The following SLC44A3 variants were observed in gnomAD, a reference collection of about 807,000 sequenced individuals.
SLC44A3 encodes the protein choline transporter-like protein 3.
In SLC44A3, 74 loss-of-function variants were observed where a neutral mutation model predicts 75.4. That is an observed-to-expected ratio of 0.98 (90% CI 0.81 to 1.19). SLC44A3 has a LOEUF of 1.19. SLC44A3 is among the 50% of genes most tolerant of loss of function. The pLI, the probability that SLC44A3 is intolerant of heterozygous loss-of-function variation, is 0.00. For synonymous variants in SLC44A3, 310 were observed against 296.9 expected (o/e 1.04, Z -0.45); for missense variants, 700 against 778.6 (o/e 0.90, Z 1.20).
rs148388726 is a variant in SLC44A3 at position 94,857,449 on chromosome 1, C to T, written c.1187C>T (p.Ala396Val). 1.7e-5 allele frequency: 28 copies of T among 1,613,722 alleles called. No individual in the cohort carries two copies. Among genetic ancestry groups the T allele is most frequent in the East Asian group, 4.5e-5 (2 of 44,872 alleles). ...GLIWTSEFIL[A>V]CQQMTIAGAV... ...ATCTGGACTAGTGAATTCATCCTTG[C>T]GTGCCAGCAAATGACTATAGCTGGG... The change falls in exon 10 of 15, where the codon GCG (alanine) becomes GTG (valine). Residue 396 changes from alanine to valine, a missense_variant. Coordinates refer to ENST00000271227, the MANE Select transcript of SLC44A3 (RefSeq NM_001114106.3).
chr1:94,876,678 C>T (rs185533598), intron 12 of SLC44A3, among the ~76,000 whole-genome samples: 2 of 152,224 alleles, frequency 1.3e-5, no homozygotes, highest in Non-Finnish European at 1.5e-5. Context: ...CAGGCCACCA[C>T]CACCTGAGTC....
intron 3 of SLC44A3, among the ~76,000 whole-genome samples, chr1:94,826,797 CCTT>C (rs1036635998): frequency 1.3e-5 from 2 of 152,116 alleles, no homozygotes; most frequent in African/African-American, 4.8e-5. Flanking sequence ...GGGAAAAAAA[CCTT>C]CTGGGACCCC....
At chr1:94,840,790 C>A (rs1394955634) in intron 7 of SLC44A3, among the ~76,000 whole-genome samples, 1 of 152,230 alleles carries the variant, frequency 6.6e-6, no homozygotes, top group Non-Finnish European at 1.5e-5. Flanking sequence ...CCAGAAGACA[C>A]ACAGGCCTGC....
intron 12 of SLC44A3, among the ~76,000 whole-genome samples, chr1:94,879,334 C>A (rs1388455934): frequency 1.3e-5 from 2 of 151,230 alleles, no homozygotes; most frequent in Non-Finnish European, 2.9e-5. Context: ...GAGTTTGAAA[C>A]CAGCCTGACC....
At chr1:94,884,611 C>T (rs1315882714) in intron 12 of SLC44A3, among the ~76,000 whole-genome samples, 14 of 152,114 alleles carry the variant, frequency 9.2e-5, no homozygotes, top group Non-Finnish European at 4.4e-5. Context: ...GCTGGCTATT[C>T]ATGGCATGGT....
intron 7 of SLC44A3, among the ~76,000 whole-genome samples, chr1:94,840,283 C>CTTTTTTTTTTTTTTTTTTTT (rs56383271): frequency 1.0e-4 from 8 of 77,380 alleles, no homozygotes; most frequent in Non-Finnish European, 1.6e-4. Flanking sequence ...TTTCTTTTTC[C>CTTTTTTTTTTTTTTTTTTTT]TTTTTTTTTT....
chr1:94,892,699 C>A (rs1670354902), intron 14 of SLC44A3, among the ~76,000 whole-genome samples, 182 bp downstream of exon 14: 1 of 152,126 alleles, frequency 6.6e-6, no homozygotes, highest in South Asian at 2.1e-4. Flanking sequence ...GAACCCACCT[C>A]CCTTTCTGAG....
chr1:94,881,661 G>C (rs1669005208), intron 12 of SLC44A3, among the ~76,000 whole-genome samples: 1 of 145,306 alleles, frequency 6.9e-6, no homozygotes, highest in African/African-American at 2.6e-5. Context: ...CTGAGATCAT[G>C]CCACTGCACT....
intron 5 of SLC44A3, among the ~76,000 whole-genome samples, chr1:94,834,533 G>A (rs553562543): frequency 2.0e-5 from 3 of 152,168 alleles, no homozygotes; most frequent in South Asian, 2.1e-4. Context: ...TGCCCAGGCT[G>A]GAGTGTAGTG....
At chr1:94,880,663 A>T (rs1182540499) in intron 12 of SLC44A3, among the ~76,000 whole-genome samples, 1 of 152,234 alleles carries the variant, frequency 6.6e-6, no homozygotes, top group African/African-American at 2.4e-5. Flanking sequence ...TGTATGAATA[A>T]AATCATGCAA....
chr1:94,824,619 G>T lies in SLC44A3; in HGVS notation c.262G>T (p.Asp88Tyr). The change falls in exon 3 of 15, where the codon GAC becomes TAC. Residue 88 changes from aspartate to tyrosine, a missense_variant. Physicochemically the swap from Asp to Tyr is radical, Grantham distance 160. Coordinates refer to ENST00000271227, the MANE Select transcript of SLC44A3 (RefSeq NM_001114106.3). Reference protein sequence around the residue: ...PVEGAPLSGQDMTLKKHVFFM... With the variant: ...PVEGAPLSGQYMTLKKHVFFM... ...GGAAGGGGCCCCTCTTTCAGGGCAG[G>T]ACATGACCCTAAAAAAGTAAGTATC... 6.3e-7 allele frequency: 1 copy of T among 1,589,304 alleles called. No homozygotes were observed. Among genetic ancestry groups the T allele is most frequent in the Non-Finnish European group, 8.5e-7 (1 of 1,172,416 alleles).
rs761825635 is a variant in SLC44A3, at chr1:94,840,034, T to C, written c.757T>C (p.Leu253=). The C allele has an allele frequency of 1.1e-5, 17 of 1,610,088 alleles. No individual in the cohort carries two copies. The East Asian group carries it at 3.3e-4, about 32-fold the overall frequency. The change falls in exon 7 of 15, where the codon TTG becomes CTG. Residue 253 remains leucine, a synonymous_variant. Coordinates refer to ENST00000271227, the MANE Select transcript of SLC44A3 (RefSeq NM_001114106.3). ...CATTTCATTGGTTATTTTGGGATTG[T>C]TGTGTAAGTATTTCTCTACTTGACT... The part of the protein sequence containing the change: ...IFISLVILGL[L]FVCGVLWWLY...
chr1:94,857,645 C>A, intron 10 of SLC44A3, 145 bp downstream of exon 10: 1 of 781,950 alleles, frequency 1.3e-6, no homozygotes, highest in Non-Finnish European at 1.9e-6. Flanking sequence ...AAAATTTGGG[C>A]TGTATTCTCA....
chr1:94,826,260 T>C (rs1661326407), intron 3 of SLC44A3, among the ~76,000 whole-genome samples: 2 of 152,198 alleles, frequency 1.3e-5, no homozygotes, highest in Non-Finnish European at 2.9e-5. Context: ...TATTGTTTAA[T>C]GGGTACAGAT....
chr1:94,862,143 C>T (rs1666650143), intron 10 of SLC44A3, among the ~76,000 whole-genome samples: 1 of 152,158 alleles, frequency 6.6e-6, no homozygotes, highest in Non-Finnish European at 1.5e-5. Flanking sequence ...AAACATACAA[C>T]CTTCTCAGCC....
At chr1:94,842,325 A>C (rs1051492395) in intron 8 of SLC44A3, among the ~76,000 whole-genome samples, 10 of 152,212 alleles carry the variant, frequency 6.6e-5, no homozygotes, top group Admixed American at 5.9e-4. Context: ...TTCCCAAGTC[A>C]TTTCTGCCAC....
chr1:94,849,585 T>C (rs1664928805), intron 9 of SLC44A3, among the ~76,000 whole-genome samples: 1 of 152,164 alleles, frequency 6.6e-6, no homozygotes, highest in African/African-American at 2.4e-5. Context: ...CTTTCACCTC[T>C]TATGAAGAGG....
chr1:94,866,524 A>T (rs912962821), intron 11 of SLC44A3, among the ~76,000 whole-genome samples: 23 of 152,228 alleles, frequency 1.5e-4, no homozygotes, highest in Admixed American at 3.9e-4. Context: ...AATGTCTCAC[A>T]CAGCCACTGT....
intron 12 of SLC44A3, among the ~76,000 whole-genome samples, chr1:94,881,536 C>T (rs1243118364): frequency 6.6e-6 from 1 of 150,968 alleles, no homozygotes; most frequent in Non-Finnish European, 1.5e-5. Context: ...AACCCCGTCT[C>T]TACTAAAAAT....
Sources: allele counts gnomAD v4.1 joint callset (sites outside exome capture counted in the v4.1 genomes callset), GRCh38; gene constraint gnomAD v4.1.1; transcripts MANE v1.5; gene names NCBI Gene and HGNC (gene_info 2026-07-23, HGNC 2026-07-21).